The following AKAP12 variants were observed in gnomAD, a reference collection of about 807,000 sequenced individuals.
The protein encoded by AKAP12 is A-kinase anchor protein 12.
A neutral mutation model predicts 79.9 loss-of-function variants in AKAP12; 32 were observed. The ratio of observed to expected loss-of-function variants is 0.40; its 90% CI spans 0.30 to 0.54. AKAP12 has a LOEUF of 0.54. Ranked by LOEUF, AKAP12 falls within the 20% of genes least tolerant of loss-of-function variation. The probability of loss-of-function intolerance (pLI) is 0.48; values close to 1 mark genes in which losing one functional copy is unlikely to be tolerated. For synonymous variants in AKAP12, 808 were observed against 857.0 expected (o/e 0.94, Z 1.00); for missense variants, 2,074 against 2,177.0 (o/e 0.95, Z 0.94).
At chr6:151,328,376 C>T (rs1030790663) in intron 3 of AKAP12, among the ~76,000 whole-genome samples, 2 of 147,526 alleles carry the variant, frequency 1.4e-5, no homozygotes, top group Admixed American at 6.8e-5. Flanking sequence ...CGGCGGCTCA[C>T]GCCTGTGATT....
intron 3 of AKAP12, among the ~76,000 whole-genome samples, chr6:151,310,976 G>T (rs1371982940): frequency 5.3e-5 from 8 of 150,336 alleles, no homozygotes; most frequent in Non-Finnish European, 8.9e-5. Context: ...GCTTTAGAAA[G>T]TTTTTTTTTT....
chr6:151,249,179 A>G (rs1797130797), intron 2 of AKAP12, among the ~76,000 whole-genome samples: 1 of 152,126 alleles, frequency 6.6e-6, no homozygotes, highest in African/African-American at 2.4e-5. Context: ...CTTGTGCTGA[A>G]TAAGTAGACA....
At chr6:151,316,730 A>C (rs957529059) in intron 3 of AKAP12, among the ~76,000 whole-genome samples, 2 of 152,142 alleles carry the variant, frequency 1.3e-5, no homozygotes, top group African/African-American at 2.4e-5. Context: ...TCTGGGTTTC[A>C]AGCAATTCTC....
chr6:151,319,866 G>A (rs12205375), intron 3 of AKAP12: 12,529 of 152,968 alleles, frequency 0.082, 663 homozygotes, highest in African/African-American at 0.14. Context: ...CCAAACACGC[G>A]CTCAAGGTCC....
chr6:151,291,673 G>T lies in AKAP12; in HGVS notation c.163-14074G>T, dbSNP rs552967345. Among the ~76,000 whole-genome samples the T allele has an allele frequency of 2.2e-4, 33 of 152,332 alleles. No individual in the cohort carries two copies. The East Asian group carries it at 6.4e-3, about 29-fold the overall frequency. On this transcript the variant is annotated intron_variant, in intron 2 of 4. Transcript: ENST00000402676. ...CATTTCAATTTATCATTTTAATTTT[G>T]CTATTAAGCATCCACGGACCCTAAA...
At chr6:151,253,625 G>A (rs1797233659) in intron 2 of AKAP12, among the ~76,000 whole-genome samples, 1 of 152,164 alleles carries the variant, frequency 6.6e-6, no homozygotes, top group Non-Finnish European at 1.5e-5. Context: ...ATGCACTGCA[G>A]TACAAACTGG....
chr6:151,305,980 A>T, intron 3 of AKAP12, 77 bp downstream of exon 3: 1 of 1,448,480 alleles, frequency 6.9e-7, no homozygotes, highest in East Asian at 2.5e-5. Flanking sequence ...ATACTCTGTC[A>T]TACTGCCTGG....
chr6:151,353,399 G>A lies in AKAP12; in HGVS notation c.5008G>A (p.Ala1670Thr), dbSNP rs752099212. The A allele has an allele frequency of 1.9e-6, 3 of 1,614,090 alleles. No homozygotes were observed. Among genetic ancestry groups the A allele is most frequent in the East Asian group, 2.2e-5 (1 of 44,898 alleles). Residue 1670 changes from alanine (A) to threonine (T), a missense_variant, in exon 4 of 5, where the codon GCT becomes ACT. By Grantham distance (58) the Ala-to-Thr change is moderately conservative (BLOSUM62 0). This residue lies in a region of AKAP12 where 614 missense variants were observed against 665.6 expected (regional missense o/e 0.92). Coordinates refer to ENST00000402676, the MANE Select transcript of AKAP12 (RefSeq NM_005100.4). ...VLPSEEEGGG[A>T]GTKSVPEDDG... ...CCCATCTGAGGAAGAGGGAGGTGGA[G>A]CTGGAACAAAGTCTGTGCCAGAAGA... is the stretch of plus-strand genomic sequence containing the variant.
At chr6:151,278,723 A>G (rs939641017) in intron 2 of AKAP12, among the ~76,000 whole-genome samples, 4 of 151,420 alleles carry the variant, frequency 2.6e-5, no homozygotes, top group African/African-American at 9.7e-5. Context: ...GCTGGAGTGC[A>G]GTGGCGCGAT....
intron 3 of AKAP12, among the ~76,000 whole-genome samples, chr6:151,311,039 T>C (rs1271240581): frequency 6.6e-6 from 1 of 152,134 alleles, no homozygotes; most frequent in South Asian, 2.1e-4. Flanking sequence ...GCAATCATGG[T>C]TCGACGTAGC....
At chr6:151,298,849 A>C (rs1776794623) in intron 2 of AKAP12, 1 of 152,090 alleles carries the variant, frequency 6.6e-6, no homozygotes, top group Admixed American at 6.5e-5. Flanking sequence ...TTTAAAAGCC[A>C]GTCAAGTTTA....
chr6:151,296,018 A>G (rs561219576), intron 2 of AKAP12, among the ~76,000 whole-genome samples: 36 of 152,344 alleles, frequency 2.4e-4, no homozygotes, highest in African/African-American at 5.1e-4. Flanking sequence ...TGCTGAATAT[A>G]TGGATGGAAA....
At chr6:151,272,065 G>A (rs534748825) in intron 2 of AKAP12, among the ~76,000 whole-genome samples, 25 of 152,224 alleles carry the variant, frequency 1.6e-4, no homozygotes, top group Admixed American at 1.4e-3. Context: ...TCCTGGCCAG[G>A]CATGGTGGCT....
chr6:151,280,099 A>G (rs1460134632), intron 2 of AKAP12, among the ~76,000 whole-genome samples: 1 of 151,462 alleles, frequency 6.6e-6, no homozygotes, highest in East Asian at 1.9e-4. Flanking sequence ...TTTTCACTCA[A>G]TAGGAAATCA....
chr6:151,260,415 T>A (rs1310866105), intron 2 of AKAP12, among the ~76,000 whole-genome samples: 1 of 152,228 alleles, frequency 6.6e-6, no homozygotes, highest in African/African-American at 2.4e-5. Flanking sequence ...GGGCCTTGGC[T>A]ATGCTGCCGA....
At chr6:151,314,711 G>A (rs1777198411) in intron 3 of AKAP12, among the ~76,000 whole-genome samples, 1 of 152,164 alleles carries the variant, frequency 6.6e-6, no homozygotes, top group Non-Finnish European at 1.5e-5. Context: ...CATTTGAGAA[G>A]GAGCCAGGCA....
chr6:151,264,670 C>CA lies in AKAP12; in HGVS notation c.162+23961dup, dbSNP rs11300375. 7.5e-3 allele frequency among the ~76,000 whole-genome samples: 723 copies of CA among 95,880 alleles called. 4 individuals carry two copies. The highest frequency in any genetic ancestry group is 0.017 in the African/African-American group (571 of 34,068). 62.9% of individuals were successfully genotyped at this position (95,880 alleles called of 152,430 possible). A position where few individuals can be genotyped will look rare whatever the true frequency, so the allele number is the denominator to read the frequency against. On this transcript the variant is annotated intron_variant, in intron 2 of 4. Coordinates refer to ENST00000402676, the MANE Select transcript of AKAP12 (RefSeq NM_005100.4). ...TGGGTGAGAGTGTGAGACTTCATCT[C>CA]AAAAAAAAAAAAAAAGAATTAAAGA...
At chr6:151,287,097 G>A (rs1470472816) in intron 2 of AKAP12, among the ~76,000 whole-genome samples, 6 of 151,718 alleles carry the variant, frequency 4.0e-5, no homozygotes, top group Admixed American at 2.6e-4. Flanking sequence ...CCGCCACCAT[G>A]CCCGGCTAAT....
In AKAP12 at chr6:151,351,192, A is replaced by G. The variant is rs930091228; in HGVS notation, c.2801A>G (p.Glu934Gly). 1.2e-6 allele frequency: 2 copies of G among 1,614,214 alleles called. No homozygotes were observed. The highest frequency in any genetic ancestry group is 1.7e-6 in the Non-Finnish European group (2 of 1,180,052). Reference protein sequence around the residue: ...QVEAEAALLTEEVLEREVIAE... With the variant: ...QVEAEAALLTGEVLEREVIAE... ...GAAGCTGAAGCCGCACTGTTAACTG[A>G]GGAGGTATTGGAAAGAGAAGTAATT... Residue 934 changes from glutamate (E) to glycine (G), a missense_variant, in exon 4 of 5, where the codon GAG becomes GGG. Glu to Gly is a moderately conservative substitution (Grantham distance 98). Coordinates refer to ENST00000402676, the MANE Select transcript of AKAP12 (RefSeq NM_005100.4). This position sits in a 1 kb window ranked among gnomAD's most constrained non-coding sequence, Gnocchi z 4.4.
Sources: allele counts gnomAD v4.1 joint callset (sites outside exome capture counted in the v4.1 genomes callset), GRCh38; gene constraint gnomAD v4.1.1; regional missense constraint gnomAD v4.1.1; non-coding constraint Gnocchi (gnomAD v3.1); transcripts MANE v1.5; gene names NCBI Gene and HGNC (gene_info 2026-07-23, HGNC 2026-07-21).